BTD: variants seen among roughly 807,000 people sequenced by gnomAD.
BTD encodes the protein biocytinase.
Under a neutral mutation model 17.7 loss-of-function variants are expected in BTD, and 13 were observed. The observed-to-expected ratio is 0.74, with a 90% confidence interval of 0.48 to 1.17. The LOEUF (loss-of-function observed/expected upper bound fraction) is 1.17. Ranked by LOEUF, BTD falls within the 50% of genes most tolerant of loss-of-function variation. BTD has a pLI of 0.00. For synonymous variants in BTD, 240 were observed against 245.2 expected (o/e 0.98, Z 0.20); for missense variants, 674 against 650.4 (o/e 1.04, Z -0.39).
chr3:15,620,608 G>A (rs756622314), intron 1 of BTD, among the ~76,000 whole-genome samples: 3 of 152,162 alleles, frequency 2.0e-5, no homozygotes, highest in Non-Finnish European at 2.9e-5. Flanking sequence ...AATTATCACA[G>A]TGGTCCTGAG....
intron 1 of BTD, among the ~76,000 whole-genome samples, chr3:15,621,316 C>G (rs184362656): frequency 5.6e-4 from 85 of 152,282 alleles, no homozygotes; most frequent in South Asian, 1.7e-3. Context: ...CTTGTAATGT[C>G]TTTGTCTGTT....
At chr3:15,711,260 T>C in exon 4 of BTD, 1 of 1,611,890 alleles carries the variant, frequency 6.2e-7, no homozygotes. Flanking sequence ...TCATCTGGGG[T>C]ATCTATATCA....
In BTD at chr3:15,644,687, A is replaced by G; in HGVS notation, c.771A>G (p.Pro257=). 1 of 1,613,848 alleles carries G rather than the reference A, an allele frequency of 6.2e-7. No individual in the cohort carries two copies. Among genetic ancestry groups the G allele is most frequent in the Non-Finnish European group, 8.5e-7 (1 of 1,179,956 alleles). ...CAACTGCCTGGATGAACCAGCTCCCACTCTTGGCAGCAATTGAGATTCAGA... is the reference window on the plus strand; with the variant it reads ...CAACTGCCTGGATGAACCAGCTCCCGCTCTTGGCAGCAATTGAGATTCAGA... ...VYPTAWMNQL[P]LLAAIEIQKA... Residue 257 remains proline, a synonymous_variant, in exon 4 of 4, where the codon CCA becomes CCG. Transcript: ENST00000643237.
At chr3:15,681,661 T>C (rs1273601718) in intron 3 of BTD, among the ~76,000 whole-genome samples, 3 of 152,232 alleles carry the variant, frequency 2.0e-5, no homozygotes, top group Non-Finnish European at 4.4e-5. Flanking sequence ...TACCCTATAA[T>C]TGTGGAAAAG....
intron 3 of BTD, chr3:15,669,658 G>A (rs993420130): frequency 3.9e-5 from 6 of 152,144 alleles, no homozygotes; most frequent in Middle Eastern, 3.4e-3. Context: ...GCATTGGAAG[G>A]CTTTCAGATG....
At chr3:15,684,650 C>T (rs1177094075) in intron 3 of BTD, 7 of 151,942 alleles carry the variant, frequency 4.6e-5, no homozygotes, top group Admixed American at 2.6e-4. Context: ...CTTGGGGAGT[C>T]TGATGTGGGA....
At chr3:15,714,104 T>G (rs2072684469), downstream of BTD, among the ~76,000 whole-genome samples, 1 of 152,124 alleles carries the variant, frequency 6.6e-6, no homozygotes, top group African/African-American at 2.4e-5. Context: ...AAACACTGAT[T>G]TAAAGTAATA....
intron 3 of BTD, among the ~76,000 whole-genome samples, chr3:15,703,468 A>C (rs2070914454): frequency 6.6e-6 from 1 of 152,222 alleles, no homozygotes; most frequent in South Asian, 2.1e-4. Flanking sequence ...GAATGGGATT[A>C]GTGTCCTTAT....
rs148956263 is a variant in BTD, at chr3:15,603,930, C to T, written c.-17+2036C>T. Among the ~76,000 whole-genome samples, 99 of 152,340 alleles carry T rather than the reference C, an allele frequency of 6.5e-4. 3 individuals are homozygous for T. The East Asian group carries it at 7.5e-3, about 12-fold the overall frequency. On this transcript the variant is annotated intron_variant, in intron 1 of 3. Transcript: ENST00000643237. ...GGTGGGCTCCCACAGCCTTGGGCAG[C>T]TCTGCCCTTGTGGTTTTACAGGCTA...
At chr3:15,671,959 G>T (rs149534889) in intron 3 of BTD, among the ~76,000 whole-genome samples, 336 of 152,096 alleles carry the variant, frequency 2.2e-3, no homozygotes, top group African/African-American at 7.8e-3. Context: ...TGGCATTTTT[G>T]TGTAGCATTA....
chr3:15,602,048 G>C, intron 1 of BTD, 154 bp downstream of exon 1: 1 of 1,475,108 alleles, frequency 6.8e-7, no homozygotes, highest in South Asian at 1.4e-5. Flanking sequence ...GGCTGTTTGT[G>C]CGTTGCTGCT....
At chr3:15,633,308 A>T (rs886994134) in intron 1 of BTD, among the ~76,000 whole-genome samples, 5 of 151,996 alleles carry the variant, frequency 3.3e-5, no homozygotes, top group Non-Finnish European at 7.4e-5. Context: ...TTTTATTGTA[A>T]TTACTCATTC....
At chr3:15,673,726 G>T (rs1237862436) in intron 3 of BTD, among the ~76,000 whole-genome samples, 1 of 152,136 alleles carries the variant, frequency 6.6e-6, no homozygotes, top group Non-Finnish European at 1.5e-5. Flanking sequence ...GATGTTTGGG[G>T]ACAGAGTGTT....
chr3:15,654,615 A>G (rs1397799711), downstream of BTD, among the ~76,000 whole-genome samples: 3 of 152,048 alleles, frequency 2.0e-5, no homozygotes, highest in Non-Finnish European at 4.4e-5. Flanking sequence ...TGTTTTTGAG[A>G]TGAAGTCTCA....
chr3:15,650,437 C>A lies in BTD; in HGVS notation c.*4949C>A, dbSNP rs1189307538. Reference sequence around the variant, plus strand: ...CTTCATCTTTTTCTTTTTGTTTGAGCAAAAAAAAAAAAGAATATATTAACT... The same window carrying A: ...CTTCATCTTTTTCTTTTTGTTTGAGAAAAAAAAAAAAAGAATATATTAACT... On this transcript the variant is annotated 3_prime_UTR_variant, in exon 4 of 4. Transcript: ENST00000643237. 2.0e-5 allele frequency among the ~76,000 whole-genome samples: 3 copies of A among 149,902 alleles called. No individual in the cohort carries two copies. The highest frequency in any genetic ancestry group is 4.4e-5 in the Non-Finnish European group (3 of 67,432).
rs1212122128 is a variant in BTD at position 15,653,650 on chromosome 3, C to G, written c.*8162C>G. ...ATGGTTGAAATTCCTATTCAGTGAT[C>G]TGGAAGAACTCTAATGTTCTAAAGT... is the stretch of plus-strand genomic sequence containing the variant. On this transcript the variant is annotated 3_prime_UTR_variant, in exon 4 of 4. Transcript: ENST00000643237. Among the ~76,000 whole-genome samples, 2 of 152,188 alleles carry G rather than the reference C, an allele frequency of 1.3e-5. No homozygotes were observed. Among genetic ancestry groups the G allele is most frequent in the East Asian group, 3.8e-4 (2 of 5,206 alleles).
rs1367244547 is a variant in BTD at position 15,644,942 on chromosome 3, A to T, written c.1026A>T (p.Leu342Phe). The part of the protein sequence containing the change: ...GETDPSHSKF[L>F]KILSGDPYCE... ...CGGACCCATCCCATAGTAAGTTTTT[A>T]AAAATTTTGTCAGGCGATCCGTACT... The change falls in exon 4 of 4, where the codon TTA becomes TTT. Residue 342 changes from leucine to phenylalanine, a missense_variant. Leu to Phe is a conservative substitution (Grantham distance 22, BLOSUM62 0). Coordinates refer to ENST00000643237, the MANE Select transcript of BTD (RefSeq NM_001370658.1). The T allele has an allele frequency of 1.2e-6, 2 of 1,614,074 alleles. No individual in the cohort carries two copies. Among genetic ancestry groups the T allele is most frequent in the Non-Finnish European group, 1.7e-6 (2 of 1,180,032 alleles).
At chr3:15,630,104 G>A (rs748954911) in intron 1 of BTD, 6 of 985,080 alleles carry the variant, frequency 6.1e-6, no homozygotes, top group Non-Finnish European at 7.2e-6. Context: ...TCAAAAAGAT[G>A]CCATCGTGGG....
At position 15,647,895 on chromosome 3, in the gene BTD, G is replaced by T. The variant is rs375307014; in HGVS notation, c.*2407G>T. Among the ~76,000 whole-genome samples the T allele has an allele frequency of 6.6e-6, 1 of 152,158 alleles. No individual in the cohort carries two copies. Among genetic ancestry groups the T allele is most frequent in the Non-Finnish European group, 1.5e-5 (1 of 68,026 alleles). ...ACTGGATTTAAAAGCCCTGTTCTTA[G>T]AGAGGAAAAAACCAGGCCTCCTCAC... On this transcript the variant is annotated 3_prime_UTR_variant, in exon 4 of 4. Coordinates refer to ENST00000643237, the MANE Select transcript of BTD (RefSeq NM_001370658.1).
Sources: allele counts gnomAD v4.1 joint callset (sites outside exome capture counted in the v4.1 genomes callset), GRCh38; gene constraint gnomAD v4.1.1; transcripts MANE v1.5; gene names NCBI Gene and HGNC (gene_info 2026-07-23, HGNC 2026-07-21).